Variants in FUBP1 observed in about 807,000 individuals in gnomAD.
FUBP1 encodes the protein far upstream element-binding protein 1.
Under a neutral mutation model 94.9 loss-of-function variants are expected in FUBP1, and 16 were observed. That is an observed-to-expected ratio of 0.17 (90% CI 0.11 to 0.26). The LOEUF is 0.26. Ranked by LOEUF, FUBP1 falls within the 10% of genes least tolerant of loss-of-function variation. The pLI is 1.00. For missense variants in FUBP1, 583 were observed against 808.6 expected (o/e 0.72, Z 3.38); for synonymous variants, 279 against 254.9 (o/e 1.09, Z -0.90).
At chr1:77,970,655 T>TA (rs1207870694) in intron 1 of FUBP1, among the ~76,000 whole-genome samples, 1 of 152,170 alleles carries the variant, frequency 6.6e-6, no homozygotes, top group Non-Finnish European at 1.5e-5. Context: ...GCTCGAGTCT[T>TA]AAAAAAACCT....
intron 4 of FUBP1, 102 bp from the exon 5 acceptor site, chr1:77,967,203 T>A: frequency 2.8e-6 from 2 of 714,180 alleles, no homozygotes; most frequent in Non-Finnish European, 4.7e-6. Context: ...TGTCTCCCAA[T>A]GGCTTAAACT....
rs1651890819 is a variant in FUBP1 at position 77,945,167 on chromosome 1, A to C, written c.*3599T>G. On this transcript the variant is annotated 3_prime_UTR_variant, in exon 20 of 20. Coordinates refer to ENST00000370768, the MANE Select transcript of FUBP1 (RefSeq NM_003902.5). ...AATAAAAGAATTCTCATGAGACAGA[A>C]ACAATGCCCCAATATCTATTATCAT... is the stretch of plus-strand genomic sequence containing the variant. 1.3e-5 allele frequency among the ~76,000 whole-genome samples: 2 copies of C among 151,996 alleles called. No homozygotes were observed. Among genetic ancestry groups the C allele is most frequent in the South Asian group, 4.1e-4 (2 of 4,826 alleles).
intron 18 of FUBP1, among the ~76,000 whole-genome samples, chr1:77,953,737 A>C (rs905847961): frequency 2.6e-5 from 4 of 152,168 alleles, no homozygotes; most frequent in African/African-American, 9.7e-5. Context: ...TTCCCTTAAC[A>C]ATAAAAATTA....
intron 18 of FUBP1, among the ~76,000 whole-genome samples, chr1:77,949,634 G>T (rs1652979905): frequency 6.6e-6 from 1 of 151,722 alleles, no homozygotes; most frequent in Admixed American, 6.6e-5. Flanking sequence ...TTAACTTTTA[G>T]TTCTAGAGCG....
chr1:77,967,574 A>C (rs1276761315), intron 4 of FUBP1, 53 bp downstream of exon 4: 1 of 1,421,198 alleles, frequency 7.0e-7, no homozygotes, highest in Non-Finnish European at 9.8e-7. Flanking sequence ...GTGTTTTTAC[A>C]TACAGCTCAA....
chr1:77,952,176 T>C (rs1248166976), intron 18 of FUBP1, among the ~76,000 whole-genome samples: 2 of 151,842 alleles, frequency 1.3e-5, no homozygotes, highest in Admixed American at 1.3e-4. Flanking sequence ...AGGTGGATGC[T>C]GCAAGTGAGC....
chr1:77,964,845 T>G (rs1557450960), intron 9 of FUBP1, 25 bp downstream of exon 9: 1 of 1,538,386 alleles, frequency 6.5e-7, no homozygotes, highest in South Asian at 1.1e-5. Flanking sequence ...CACTCTTTCT[T>G]TATAAAGTAT....
chr1:77,962,114 C>CA (rs1033765837), intron 14 of FUBP1, among the ~76,000 whole-genome samples: 1 of 152,150 alleles, frequency 6.6e-6, no homozygotes, highest in African/African-American at 2.4e-5. Context: ...GCCTCACTTA[C>CA]AAAAAAGCAG....
intron 13 of FUBP1, 49 bp downstream of exon 13, chr1:77,963,525 C>T: frequency 9.0e-7 from 1 of 1,109,630 alleles, no homozygotes; most frequent in South Asian, 1.4e-5. Flanking sequence ...AGAAAGTGTC[C>T]AGAAAAATGA....
At chr1:77,978,749 G>A (rs1659253523) in intron 1 of FUBP1, 136 bp downstream of exon 1, 7 of 1,103,782 alleles carry the variant, frequency 6.3e-6, no homozygotes, top group Admixed American at 1.8e-5. Context: ...ACCAACATGG[G>A]GAAACGTGTC....
intron 1 of FUBP1, among the ~76,000 whole-genome samples, chr1:77,971,151 C>T (rs1657461313): frequency 6.6e-6 from 1 of 152,050 alleles, no homozygotes; most frequent in Admixed American, 6.5e-5. Flanking sequence ...CGAAGTAGTT[C>T]CCATTTCCAT....
intron 4 of FUBP1, 124 bp from the exon 5 acceptor site, chr1:77,967,225 C>G: frequency 1.6e-6 from 1 of 610,598 alleles, no homozygotes; most frequent in Non-Finnish European, 2.8e-6. Context: ...AGGTTCTAGG[C>G]TCAGACTCAT....
At chr1:77,970,313 GCT>G (rs10685667) in intron 1 of FUBP1, among the ~76,000 whole-genome samples, 1 of 151,824 alleles carries the variant, frequency 6.6e-6, no homozygotes, top group Non-Finnish European at 1.5e-5. Context: ...ATCCTATCTG[GCT>G]CTGTCATGAC....
In FUBP1 at chr1:77,956,596, T is replaced by C. The variant is rs758961435; in HGVS notation, c.1681A>G (p.Thr561Ala). 13 of 1,612,928 alleles carry C rather than the reference T, an allele frequency of 8.1e-6. No homozygotes were observed. The highest frequency in any genetic ancestry group is 5.3e-5 in the African/African-American group (4 of 74,890). The change falls in exon 17 of 20, where the codon ACT becomes GCT. Residue 561 changes from threonine (T) to alanine (A), a missense_variant. By Grantham distance (58) the Thr-to-Ala change is moderately conservative. Coordinates refer to ENST00000370768, the MANE Select transcript of FUBP1 (RefSeq NM_003902.5). ...PPPAAPAGAP[T>A]TTQTNGQGDQ... ...CCTTGTCCATTAGTTTGAGTTGTAGTTGGTGCACCTGCAGGGGCTGCTGGT... is the reference window on the plus strand; with the variant it reads ...CCTTGTCCATTAGTTTGAGTTGTAGCTGGTGCACCTGCAGGGGCTGCTGGT...
chr1:77,965,063 C>T lies in FUBP1; in HGVS notation c.636+6G>A. 4.3e-6 allele frequency: 7 copies of T among 1,609,666 alleles called. No individual in the cohort carries two copies. The highest frequency in any genetic ancestry group is 5.9e-6 in the Non-Finnish European group (7 of 1,176,472). On this transcript the variant is annotated splice_donor_region_variant and intron_variant, in intron 8 of 19. Coordinates refer to ENST00000370768, the MANE Select transcript of FUBP1 (RefSeq NM_003902.5). ...AAAAGTAGCCATTTCACAAAAATAA[C>T]AATACCTGAAGCTGTTTAATAGTTT... is the stretch of plus-strand genomic sequence containing the variant.
At chr1:77,961,902 T>C (rs538460435) in intron 14 of FUBP1, among the ~76,000 whole-genome samples, 12 of 152,356 alleles carry the variant, frequency 7.9e-5, no homozygotes, top group Admixed American at 7.8e-4. Flanking sequence ...AATGTTTGTG[T>C]ACATTTTGTA....
intron 18 of FUBP1, among the ~76,000 whole-genome samples, chr1:77,953,937 T>C (rs1414461969): frequency 6.6e-6 from 1 of 152,144 alleles, no homozygotes; most frequent in Non-Finnish European, 1.5e-5. Flanking sequence ...TAATAATAAC[T>C]AGGGACCCTA....
Position 77,956,639 on chromosome 1 carries a change from T to C in FUBP1, c.1638A>G (p.Gln546=), listed in dbSNP as rs1404652177. 1.2e-6 allele frequency: 2 copies of C among 1,611,214 alleles called. No individual in the cohort carries two copies. The highest frequency in any genetic ancestry group is 1.7e-6 in the Non-Finnish European group (2 of 1,177,532). The change falls in exon 17 of 20, where the codon CAA becomes CAG. Residue 546 remains glutamine, a synonymous_variant. Transcript: ENST00000370768. ...CTGCTGGTGGTGGCTGTGCTTGCTG[T>C]TGATAATAGTGAGCGTAATAAGCAG... The part of the protein sequence containing the change: ...AWAAYYAHYY[Q]QQAQPPPAAP...
intron 1 of FUBP1, among the ~76,000 whole-genome samples, chr1:77,974,857 A>C (rs1169727407): frequency 6.6e-6 from 1 of 152,228 alleles, no homozygotes. Context: ...AATCTCTAAA[A>C]TCAGGTGGTA....
Sources: allele counts gnomAD v4.1 joint callset (sites outside exome capture counted in the v4.1 genomes callset), GRCh38; gene constraint gnomAD v4.1.1; transcripts MANE v1.5; gene names NCBI Gene and HGNC (gene_info 2026-07-23, HGNC 2026-07-21).